The following SDCCAG8 variants were observed in gnomAD, a reference collection of about 807,000 sequenced individuals.
SDCCAG8 encodes the protein serologically defined colon cancer antigen 8.
Under a neutral mutation model 101.8 loss-of-function variants are expected in SDCCAG8, and 74 were observed. The ratio of observed to expected loss-of-function variants is 0.73; its 90% CI spans 0.60 to 0.88. The LOEUF (loss-of-function observed/expected upper bound fraction) is 0.88, where lower values mean the gene tolerates loss of function less well. SDCCAG8 is among the 40% of genes least tolerant of loss of function. The pLI, the probability that SDCCAG8 is intolerant of heterozygous loss-of-function variation, is 0.00. For missense variants in SDCCAG8, 787 were observed against 822.6 expected (o/e 0.96, Z 0.53); for synonymous variants, 281 against 292.9 (o/e 0.96, Z 0.41).
At chr1:243,417,708 T>C (rs543610967) in intron 14 of SDCCAG8, among the ~76,000 whole-genome samples, 1 of 152,326 alleles carries the variant, frequency 6.6e-6, no homozygotes, top group Non-Finnish European at 1.5e-5. Flanking sequence ...TATTTGACAC[T>C]TTATTAACAT....
intron 11 of SDCCAG8, among the ~76,000 whole-genome samples, chr1:243,343,862 A>T (rs1029768413): frequency 2.0e-5 from 3 of 152,240 alleles, no homozygotes; most frequent in African/African-American, 4.8e-5. Flanking sequence ...GAATAATAAC[A>T]TAGCTTAACA....
intron 10 of SDCCAG8, among the ~76,000 whole-genome samples, chr1:243,335,438 C>T (rs971522857): frequency 7.2e-5 from 11 of 152,092 alleles, no homozygotes; most frequent in Non-Finnish European, 1.6e-4. Context: ...AACCATTTGC[C>T]TTGCTGAGTA....
intron 1 of SDCCAG8, among the ~76,000 whole-genome samples, chr1:243,261,446 C>T (rs2067185264): frequency 6.6e-6 from 1 of 152,168 alleles, no homozygotes; most frequent in Admixed American, 6.5e-5. Context: ...CAGGGATGGG[C>T]CTTGTCTTTA....
intron 8 of SDCCAG8, among the ~76,000 whole-genome samples, chr1:243,308,636 AT>A (rs1558271137): frequency 6.6e-6 from 1 of 152,206 alleles, no homozygotes. Flanking sequence ...TGTAAGGAGT[AT>A]TATAAGGACC....
chr1:243,293,877 T>C (rs1326371648), intron 6 of SDCCAG8, among the ~76,000 whole-genome samples: 2 of 152,262 alleles, frequency 1.3e-5, no homozygotes, highest in Non-Finnish European at 2.9e-5. Flanking sequence ...ATTTTAATTG[T>C]CGTTTCTTAA....
intron 14 of SDCCAG8, 52 bp downstream of exon 14, chr1:243,415,881 C>A (rs1428614885): frequency 6.2e-7 from 1 of 1,600,834 alleles, no homozygotes; most frequent in South Asian, 1.1e-5. Context: ...AAGTCAGGCC[C>A]ACGCCTTACT....
At chr1:243,277,887 A>G (rs1048231105) in intron 4 of SDCCAG8, among the ~76,000 whole-genome samples, 4 of 152,170 alleles carry the variant, frequency 2.6e-5, no homozygotes, top group African/African-American at 7.2e-5. Context: ...CTATCACTCT[A>G]TCTTGATTAC....
intron 12 of SDCCAG8, among the ~76,000 whole-genome samples, chr1:243,347,501 C>T (rs1414894926): frequency 6.6e-6 from 1 of 152,174 alleles, no homozygotes; most frequent in Non-Finnish European, 1.5e-5. Context: ...AAAATTTCAT[C>T]TTTCTTTGTT....
At chr1:243,426,259 C>T (rs1392681252) in intron 15 of SDCCAG8, among the ~76,000 whole-genome samples, 168 bp from the exon 16 acceptor site, 1 of 152,150 alleles carries the variant, frequency 6.6e-6, no homozygotes, top group Non-Finnish European at 1.5e-5. Flanking sequence ...TGAGTCTCTA[C>T]AATGTATCTT....
intron 13 of SDCCAG8, among the ~76,000 whole-genome samples, chr1:243,393,337 G>A (rs1366176409): frequency 1.3e-5 from 2 of 152,040 alleles, no homozygotes; most frequent in Non-Finnish European, 2.9e-5. Flanking sequence ...GGGCTCCTTA[G>A]CAGAACTAAT....
chr1:243,439,622 T>TCTCACACACACACACACACACACA (rs541157518), intron 16 of SDCCAG8, among the ~76,000 whole-genome samples: 4 of 120,202 alleles, frequency 3.3e-5, no homozygotes, highest in African/African-American at 1.3e-4. Flanking sequence ...TGAGACTCCA[T>TCTCACACACACACACACACACACA]CACACACACA....
At chr1:243,405,067 T>C (rs561147960) in intron 13 of SDCCAG8, among the ~76,000 whole-genome samples, 2 of 152,218 alleles carry the variant, frequency 1.3e-5, no homozygotes, top group South Asian at 4.2e-4. Flanking sequence ...GATTTCACCA[T>C]GTTGGCCAGG....
intron 9 of SDCCAG8, among the ~76,000 whole-genome samples, chr1:243,327,037 C>T (rs921245237): frequency 6.6e-6 from 1 of 151,982 alleles, no homozygotes; most frequent in African/African-American, 2.4e-5. Context: ...GAAAAGGTAC[C>T]TTCAGGAATG....
intron 8 of SDCCAG8, among the ~76,000 whole-genome samples, chr1:243,309,831 G>A (rs1018918299): frequency 3.9e-5 from 6 of 151,948 alleles, no homozygotes; most frequent in African/African-American, 9.7e-5. Context: ...AGAATTTCCA[G>A]TGTGGACTGA....
chr1:243,442,013 G>T (rs1318854687), intron 16 of SDCCAG8, among the ~76,000 whole-genome samples: 1 of 151,986 alleles, frequency 6.6e-6, no homozygotes, highest in Non-Finnish European at 1.5e-5. Context: ...GCAAAAAGAG[G>T]CTCTTTAAAG....
chr1:243,473,433 A>T (rs1246714583), intron 16 of SDCCAG8, among the ~76,000 whole-genome samples: 1 of 152,184 alleles, frequency 6.6e-6, no homozygotes, highest in East Asian at 1.9e-4. Context: ...CACTGAAGAA[A>T]CAAAGTAAAA....
At chr1:243,472,321 G>T (rs961197824) in intron 16 of SDCCAG8, among the ~76,000 whole-genome samples, 11 of 152,158 alleles carry the variant, frequency 7.2e-5, no homozygotes. Flanking sequence ...AAACCAGTTT[G>T]AATTAAGTCA....
At chr1:243,296,535 CT>C (rs756242066) in intron 6 of SDCCAG8, among the ~76,000 whole-genome samples, 2 of 57,946 alleles carry the variant, frequency 3.5e-5, no homozygotes, top group African/African-American at 7.4e-5. Flanking sequence ...CCCAACTGCT[CT>C]TTTTTTTTTT....
At chr1:243,276,676 G>T (rs113971474) in intron 4 of SDCCAG8, among the ~76,000 whole-genome samples, 13 of 152,188 alleles carry the variant, frequency 8.5e-5, no homozygotes, top group African/African-American at 2.9e-4. Context: ...GTTTGCATTA[G>T]CTTTGTGTTA....
Sources: gnomAD v4.1 joint callset for allele counts (sites outside exome capture counted in the v4.1 genomes callset) on GRCh38, gnomAD v4.1.1 for gene constraint, MANE v1.5 for transcripts, NCBI Gene and HGNC (gene_info 2026-07-23, HGNC 2026-07-21) for gene names.